Variants in GLIS2 observed in about 807,000 individuals in gnomAD.
The protein encoded by GLIS2 is GLIS family zinc finger 2.
GLIS2 carries 14 observed loss-of-function variants against 35.6 expected under a neutral mutation model. The observed-to-expected ratio is 0.39, with a 90% confidence interval of 0.26 to 0.61. The LOEUF (loss-of-function observed/expected upper bound fraction) is 0.61. Among genes scored for constraint, GLIS2 ranks in the 20% least tolerant of loss-of-function variants. GLIS2 has a pLI of 0.48. For synonymous variants in GLIS2, 368 were observed against 325.1 expected, an observed-to-expected ratio of 1.13 and a Z score of -1.42; for missense variants, 675 against 713.4, an observed-to-expected ratio of 0.95 and a Z score of 0.61.
At chr16:4,331,538 T>C (rs993772063) in intron 1 of GLIS2, 1 of 153,188 alleles carries the variant, frequency 6.5e-6, no homozygotes, top group Non-Finnish European at 1.5e-5. Flanking sequence ...TCTGCGTATG[T>C]GTCTTTAATT....
Position 4,320,297 on chromosome 16 carries a change from G to A in GLIS2, c.-67+4043G>A, listed in dbSNP as rs577991420. Among the ~76,000 whole-genome samples the A allele has an allele frequency of 3.9e-5, 6 of 152,120 alleles. No individual in the cohort carries two copies. Among genetic ancestry groups the A allele is most frequent in the Admixed American group, 1.3e-4 (2 of 15,278 alleles). ...CGCTGAGTGGACTGAGTCAGCCCCC[G>A]GCCGGGAGCCTCCGGAAAACAGTCC... On this transcript the variant is annotated intron_variant, in intron 1 of 6. Coordinates refer to ENST00000433375, the MANE Select transcript of GLIS2 (RefSeq NM_032575.3). The surrounding 1 kb of genome is among the most constrained non-coding windows in gnomAD (Gnocchi z 5.6).
At position 4,336,437 on chromosome 16, in the gene GLIS2, G is replaced by A. The variant is rs369496721; in HGVS notation, c.776-288G>A. 2.9e-4 allele frequency: 170 copies of A among 584,252 alleles called. 1 individual carries two copies. Among genetic ancestry groups the A allele is most frequent in the South Asian group, 1.7e-3 (84 of 50,544 alleles). The allele number at this position is 584,252 out of a possible 1,614,324, so 36.2% of individuals were successfully genotyped here. On this transcript the variant is annotated intron_variant, in intron 6 of 6. Coordinates refer to ENST00000433375, the MANE Select transcript of GLIS2 (RefSeq NM_032575.3). The stretch of plus-strand genomic sequence containing the variant: ...GCTGAAATTACAGGCGTGAGCCACC[G>A]GGCCCGGCCTCCAAGGCCATGTTCT...
chr16:4,335,138 G>A lies in GLIS2; in HGVS notation c.601G>A (p.Gly201Arg), dbSNP rs973774997. ...DYHVKPEKDA[G>R]YCCHWEGCAR... ...CCATGTCAAGCCCGAGAAGGATGCG[G>A]GGTACTGCTGCCACTGGGAGGGCTG... The change falls in exon 5 of 7, where the codon GGG becomes AGG. Residue 201 changes from glycine (G) to arginine (R), a missense_variant. Around this residue, in one of 3 missense-constraint regions of GLIS2, gnomAD observed 133 missense variants for 191.4 expected, o/e 0.69. Transcript: ENST00000433375. This position sits in a 1 kb window ranked among gnomAD's most constrained non-coding sequence, Gnocchi z 4.6. The A allele has an allele frequency of 5.0e-6, 8 of 1,613,190 alleles. No homozygotes were observed. Among genetic ancestry groups the A allele is most frequent in the Non-Finnish European group, 6.8e-6 (8 of 1,180,030 alleles).
Position 4,333,535 on chromosome 16 carries a change from A to T in GLIS2, c.345+16A>T. The T allele has an allele frequency of 1.2e-6, 2 of 1,601,526 alleles. No individual in the cohort carries two copies. The highest frequency in any genetic ancestry group is 2.2e-5 in the East Asian group (1 of 44,588). ...CAGTGCCTCGGTAAGGAGGGGTGAG[A>T]GTTCCGGAGAGAGGGGTGGACTGGT... is the stretch of plus-strand genomic sequence containing the variant. On this transcript the variant is annotated intron_variant, in intron 3 of 6. Transcript: ENST00000433375.
intron 1 of GLIS2, among the ~76,000 whole-genome samples, chr16:4,325,860 C>T (rs1461184865): frequency 6.8e-6 from 1 of 147,724 alleles, no homozygotes; most frequent in Admixed American, 6.9e-5. Flanking sequence ...TCTCTTGAGC[C>T]TCGGCGGCAG....
chr16:4,326,747 G>A (rs1428865687), intron 1 of GLIS2, among the ~76,000 whole-genome samples: 2 of 139,864 alleles, frequency 1.4e-5, no homozygotes, highest in Non-Finnish European at 3.0e-5. Flanking sequence ...CTGCTTCCAC[G>A]CCCAGCTATT....
intron 3 of GLIS2, among the ~76,000 whole-genome samples, chr16:4,334,527 C>T (rs576124068): frequency 7.9e-5 from 12 of 151,970 alleles, no homozygotes; most frequent in South Asian, 4.2e-4. Context: ...CGTGAGCCAC[C>T]GCACCTGGCT....
In GLIS2 at chr16:4,337,226, T is replaced by G. The variant is rs990748000; in HGVS notation, c.1277T>G (p.Leu426Arg). The G allele has an allele frequency of 1.9e-6, 3 of 1,547,490 alleles. No homozygotes were observed. The highest frequency in any genetic ancestry group is 2.6e-6 in the Non-Finnish European group (3 of 1,147,034). ...LLPSPFGAGGLGLPVVSLLAG... is the reference protein window; with the variant it reads ...LLPSPFGAGGRGLPVVSLLAG... Reference sequence around the variant, plus strand: ...CCCTCGCCCTTTGGGGCTGGCGGACTGGGCTTGCCTGTGGTCTCCCTCCTT... The same window carrying G: ...CCCTCGCCCTTTGGGGCTGGCGGACGGGGCTTGCCTGTGGTCTCCCTCCTT... Residue 426 changes from leucine (L) to arginine (R), a missense_variant, in exon 7 of 7, where the codon CTG becomes CGG. By Grantham distance (102) the Leu-to-Arg change is moderately radical. Around this residue, in one of 3 missense-constraint regions of GLIS2, gnomAD observed 317 missense variants for 283.2 expected, o/e 1.12. Transcript: ENST00000433375.
At position 4,325,021 on chromosome 16, in the gene GLIS2, C is replaced by T. The variant is rs140019335; in HGVS notation, c.-66-7194C>T. The stretch of plus-strand genomic sequence containing the variant: ...CGGCCAAGGAGGGTGGAGCTCTTGG[C>T]CAGAGCAGGGAGCCGCAGCTGGTTC... On this transcript the variant is annotated intron_variant, in intron 1 of 6. Transcript: ENST00000433375. Among the ~76,000 whole-genome samples the T allele has an allele frequency of 3.5e-3, 529 of 152,304 alleles. 1 individual carries two copies. The highest frequency in any genetic ancestry group is 6.0e-3 in the Non-Finnish European group (408 of 68,020).
chr16:4,320,474 C>T lies in GLIS2; in HGVS notation c.-67+4220C>T, dbSNP rs994022735. ...GGTTTGGCCCGAGGTCACTCCCAAT[C>T]GGGGAAGAACAGAGGGGAACTGGAG... On this transcript the variant is annotated intron_variant, in intron 1 of 6. Coordinates refer to ENST00000433375, the MANE Select transcript of GLIS2 (RefSeq NM_032575.3). This position sits in a 1 kb window ranked among gnomAD's most constrained non-coding sequence, Gnocchi z 5.6. 2.6e-5 allele frequency among the ~76,000 whole-genome samples: 4 copies of T among 152,112 alleles called. No homozygotes were observed. The highest frequency in any genetic ancestry group is 1.3e-4 in the Admixed American group (2 of 15,282).
chr16:4,321,656 G>C (rs2053381008), intron 1 of GLIS2, among the ~76,000 whole-genome samples: 1 of 152,160 alleles, frequency 6.6e-6, no homozygotes, highest in Non-Finnish European at 1.5e-5. Flanking sequence ...GGTGGATGGG[G>C]TGGGCTCCGT....
At chr16:4,319,863 G>A (rs543706568) in intron 1 of GLIS2, among the ~76,000 whole-genome samples, 20 of 152,262 alleles carry the variant, frequency 1.3e-4, no homozygotes, top group Admixed American at 3.9e-4. Flanking sequence ...CCGGGTACTC[G>A]CCTTCCACTC....
At position 4,335,679 on chromosome 16, in the gene GLIS2, G is replaced by A. The variant is rs1364756961; in HGVS notation, c.775+286G>A. On this transcript the variant is annotated intron_variant, in intron 6 of 6. Coordinates refer to ENST00000433375, the MANE Select transcript of GLIS2 (RefSeq NM_032575.3). The surrounding 1 kb of genome is among the most constrained non-coding windows in gnomAD (Gnocchi z 4.6). ...CCTCTGTGATCGCAGAGGCCAGGTC[G>A]GCTTCACTCCTCACTACAGCCCAGG... Among the ~76,000 whole-genome samples the A allele has an allele frequency of 6.6e-6, 1 of 152,202 alleles. No individual in the cohort carries two copies. The highest frequency in any genetic ancestry group is 2.4e-5 in the African/African-American group (1 of 41,446).
chr16:4,319,342 G>A (rs776886488), intron 1 of GLIS2, among the ~76,000 whole-genome samples: 23 of 152,144 alleles, frequency 1.5e-4, no homozygotes, highest in Non-Finnish European at 2.9e-4. Context: ...GCTGTGTATT[G>A]AGCAGTAAGA....
At chr16:4,331,046 G>A (rs1323657423) in intron 1 of GLIS2, among the ~76,000 whole-genome samples, 5 of 152,072 alleles carry the variant, frequency 3.3e-5, no homozygotes, top group African/African-American at 9.7e-5. Flanking sequence ...GTGCGATCTC[G>A]GCTCACTGCA....
rs1310572191 is a variant in GLIS2 at position 4,333,375 on chromosome 16, G to A, written c.201G>A (p.Glu67=). The A allele has an allele frequency of 6.2e-7, 1 of 1,613,116 alleles. No individual in the cohort carries two copies. The highest frequency in any genetic ancestry group is 1.1e-5 in the South Asian group (1 of 91,084). The change falls in exon 3 of 7, where the codon GAG becomes GAA. Residue 67 remains glutamate (E), a synonymous_variant. Transcript: ENST00000433375. ...TCCTGCTGAACTCCAAGTTCCCCGA[G>A]AAGGTGGAGGGACGCTTTTCAGCAG... ...SGFLLNSKFP[E]KVEGRFSAAP... is the part of the protein sequence containing the mutation.
In GLIS2 at chr16:4,335,467, G is replaced by A; in HGVS notation, c.775+74G>A. ...TGAGACCGGCTGGGCAGGTCCCCAGGGGGAGGGGACTGTTAAGTAAATCCC... is the reference window on the plus strand; with the variant it reads ...TGAGACCGGCTGGGCAGGTCCCCAGAGGGAGGGGACTGTTAAGTAAATCCC... On this transcript the variant is annotated intron_variant, in intron 6 of 6. Coordinates refer to ENST00000433375, the MANE Select transcript of GLIS2 (RefSeq NM_032575.3). This position sits in a 1 kb window ranked among gnomAD's most constrained non-coding sequence, Gnocchi z 4.6. 1 of 1,311,180 alleles carries A rather than the reference G, an allele frequency of 7.6e-7. No homozygotes were observed. The highest frequency in any genetic ancestry group is 1.7e-5 in the Admixed American group (1 of 59,036). The allele number at this position is 1,311,180 out of a possible 1,614,324, so 81.2% of individuals were successfully genotyped here. A position where few individuals can be genotyped will look rare whatever the true frequency, so the allele number is the denominator to read the frequency against.
At chr16:4,323,485 G>A (rs1028421017) in intron 1 of GLIS2, among the ~76,000 whole-genome samples, 1 of 152,338 alleles carries the variant, frequency 6.6e-6, no homozygotes. Flanking sequence ...CACTGCAGCA[G>A]GGGCCCGGAG....
At chr16:4,325,868 C>A (rs914945256) in intron 1 of GLIS2, among the ~76,000 whole-genome samples, 1 of 138,950 alleles carries the variant, frequency 7.2e-6, no homozygotes, top group African/African-American at 2.8e-5. Flanking sequence ...GCCTCGGCGG[C>A]AGTTAGCCAT....
Sources: allele counts gnomAD v4.1 joint callset (sites outside exome capture counted in the v4.1 genomes callset), GRCh38; gene constraint gnomAD v4.1.1; regional missense constraint gnomAD v4.1.1; non-coding constraint Gnocchi (gnomAD v3.1); transcripts MANE v1.5; gene names NCBI Gene and HGNC (gene_info 2026-07-23, HGNC 2026-07-21).